Variants in ARMC8 observed in about 807,000 individuals in gnomAD.
The protein encoded by ARMC8 is armadillo repeat containing 8.
Under a neutral mutation model 99.3 loss-of-function variants are expected in ARMC8, and 20 were observed. That is an observed-to-expected ratio of 0.20 (90% CI 0.14 to 0.29). The LOEUF is 0.29. ARMC8 is among the 10% of genes least tolerant of loss of function. The probability of loss-of-function intolerance (pLI) is 1.00; values close to 1 mark genes in which losing one functional copy is unlikely to be tolerated. For missense variants in ARMC8, 569 were observed against 809.5 expected, an observed-to-expected ratio of 0.70 and a Z score of 3.60; for synonymous variants, 263 against 278.3, an observed-to-expected ratio of 0.95 and a Z score of 0.55.
intron 16 of ARMC8, among the ~76,000 whole-genome samples, chr3:138,271,798 C>CTTTTTTTTTTTTTTTTTTTTTTTTTT (rs776320900): frequency 5.9e-5 from 8 of 136,134 alleles, no homozygotes; most frequent in African/African-American, 2.0e-4. Flanking sequence ...TTTTTTCTTT[C>CTTTTTTTTTTTTTTTTTTTTTTTTTT]TTTTTTTTTT....
chr3:138,223,313 G>C, intron 3 of ARMC8, 76 bp from the exon 4 acceptor site: 3 of 1,396,946 alleles, frequency 2.1e-6, no homozygotes, highest in Non-Finnish European at 3.0e-6. Context: ...TATGTGGACT[G>C]CACAGCCTTT....
At chr3:138,289,009 C>A (rs1299927570) in intron 19 of ARMC8, 39 bp from the exon 20 acceptor site, 1 of 1,539,120 alleles carries the variant, frequency 6.5e-7, no homozygotes, top group Admixed American at 1.8e-5. Context: ...AATGAGATTA[C>A]CACCATTTTG....
chr3:138,236,096 G>A (rs570182406), intron 7 of ARMC8, among the ~76,000 whole-genome samples: 26 of 152,084 alleles, frequency 1.7e-4, no homozygotes, highest in Admixed American at 6.6e-4. Context: ...GTGAGCCACC[G>A]TGTCCGGCCT....
At chr3:138,198,620 C>T (rs2107977769) in intron 1 of ARMC8, among the ~76,000 whole-genome samples, 1 of 152,170 alleles carries the variant, frequency 6.6e-6, no homozygotes, top group Non-Finnish European at 1.5e-5. Context: ...TCAAGTGATT[C>T]TCCTGCCTCA....
At chr3:138,247,228 C>A (rs192848456) in intron 12 of ARMC8, among the ~76,000 whole-genome samples, 1 of 152,050 alleles carries the variant, frequency 6.6e-6, no homozygotes, top group East Asian at 1.9e-4. Flanking sequence ...ATATTTATTT[C>A]TTGTTTACAC....
In ARMC8 at chr3:138,192,999, G is replaced by A. The variant is rs755577440; in HGVS notation, c.45+5400G>A. 2.6e-5 allele frequency among the ~76,000 whole-genome samples: 4 copies of A among 151,396 alleles called. No homozygotes were observed. The East Asian group carries it at 5.9e-4, about 22-fold the overall frequency. On this transcript the variant is annotated intron_variant, in intron 1 of 21. Transcript: ENST00000469044. Reference sequence around the variant, plus strand: ...TTATTTTATTTTTGATATGTGTTTCGCTCTTGTTGGCAAGGCTGGAGTGCA... The same window carrying A: ...TTATTTTATTTTTGATATGTGTTTCACTCTTGTTGGCAAGGCTGGAGTGCA...
chr3:138,204,196 C>T (rs1258984208), intron 1 of ARMC8, among the ~76,000 whole-genome samples: 3 of 152,070 alleles, frequency 2.0e-5, no homozygotes, highest in Admixed American at 6.5e-5. Flanking sequence ...GTGGATCAAG[C>T]GATTCTTGTG....
chr3:138,252,452 C>CTT (rs1169244202), intron 12 of ARMC8, among the ~76,000 whole-genome samples: 1,656 of 129,142 alleles, frequency 0.013, 60 homozygotes, highest in African/African-American at 0.046. Context: ...ACCATAAACT[C>CTT]TTTTTTTTTT....
Position 138,209,813 on chromosome 3 carries a change from C to G in ARMC8, c.46-4C>G. ...ATGTCATAATTTTTCCCCCCACTTT[C>G]TAGGAAGTAACAGCTAGCAGTCGCC... On this transcript the variant is annotated splice_polypyrimidine_tract_variant and splice_region_variant and intron_variant, in intron 1 of 21. Coordinates refer to ENST00000469044, the MANE Select transcript of ARMC8 (RefSeq NM_001363941.2). 1 of 1,613,194 alleles carries G rather than the reference C, an allele frequency of 6.2e-7. No individual in the cohort carries two copies. Among genetic ancestry groups the G allele is most frequent in the Non-Finnish European group, 8.5e-7 (1 of 1,179,486 alleles).
intron 5 of ARMC8, among the ~76,000 whole-genome samples, chr3:138,226,340 G>GGA (rs1363066268): frequency 6.6e-6 from 1 of 152,116 alleles, no homozygotes; most frequent in African/African-American, 2.4e-5. Flanking sequence ...CATTCTTCAG[G>GGA]GAGTCATGCC....
Position 138,223,516 on chromosome 3 carries a change from C to G in ARMC8, c.322C>G (p.Pro108Ala), listed in dbSNP as rs141108325. ...GTCTCTACTGGACTGCCATATTATC[C>G]CTGCCTTATTGCAAGGTATGTAGGG... ...VKSLLDCHII[P>A]ALLQGLLSPD... The change falls in exon 4 of 22, where the codon CCT becomes GCT. Residue 108 changes from proline to alanine, a missense_variant. Pro to Ala is a conservative substitution (Grantham distance 27). This residue lies in a region of ARMC8 where 342 missense variants were observed against 391.6 expected (regional missense o/e 0.87). Transcript: ENST00000469044. 5 of 1,614,082 alleles carry G rather than the reference C, an allele frequency of 3.1e-6. No individual in the cohort carries two copies. The South Asian group carries it at 5.5e-5, about 18-fold the overall frequency.
chr3:138,295,893 T>C lies in ARMC8; in HGVS notation c.*1T>C. The C allele has an allele frequency of 6.2e-7, 1 of 1,613,650 alleles. No individual in the cohort carries two copies. Among genetic ancestry groups the C allele is most frequent in the Non-Finnish European group, 8.5e-7 (1 of 1,179,752 alleles). On this transcript the variant is annotated 3_prime_UTR_variant, in exon 22 of 22. Coordinates refer to ENST00000469044, the MANE Select transcript of ARMC8 (RefSeq NM_001363941.2). ...GGCACTGCAGCAGTACCTGGCATGA[T>C]GGGAGTGCCCCTGGGCACCTGCGAG...
intron 16 of ARMC8, 55 bp from the exon 17 acceptor site, chr3:138,272,912 T>A (rs115956877): frequency 7.5e-7 from 1 of 1,324,604 alleles, no homozygotes. Context: ...TATTAAAATA[T>A]AATTTAATAA....
At chr3:138,280,532 C>A (rs1329916616) in intron 18 of ARMC8, among the ~76,000 whole-genome samples, 1 of 138,034 alleles carries the variant, frequency 7.2e-6, no homozygotes, top group Non-Finnish European at 1.6e-5. Context: ...CTCGCTCTGT[C>A]GCCCAGGCTG....
chr3:138,279,598 A>C (rs1307037442), intron 18 of ARMC8, among the ~76,000 whole-genome samples: 1 of 152,142 alleles, frequency 6.6e-6, no homozygotes, highest in Non-Finnish European at 1.5e-5. Flanking sequence ...TTCTGCAAAA[A>C]TTTGTGAAGA....
At chr3:138,250,945 G>A (rs935708127) in intron 12 of ARMC8, among the ~76,000 whole-genome samples, 2 of 151,918 alleles carry the variant, frequency 1.3e-5, no homozygotes, top group Non-Finnish European at 2.9e-5. Flanking sequence ...TCAGGAGTTC[G>A]ATACCAGCTT....
chr3:138,235,237 G>T, intron 7 of ARMC8, 123 bp downstream of exon 7: 9 of 580,048 alleles, frequency 1.6e-5, no homozygotes, highest in African/African-American at 2.0e-5. Flanking sequence ...TCAGTAAAAT[G>T]TTATAGGGCA....
At chr3:138,226,187 G>C (rs913221325) in intron 5 of ARMC8, among the ~76,000 whole-genome samples, 2 of 152,082 alleles carry the variant, frequency 1.3e-5, no homozygotes, top group Admixed American at 1.3e-4. Context: ...GTAGAGACAA[G>C]GTTTCACCAT....
At chr3:138,263,979 G>A in intron 13 of ARMC8, 152 bp from the exon 14 acceptor site, 1 of 941,104 alleles carries the variant, frequency 1.1e-6, no homozygotes, top group Non-Finnish European at 1.7e-6. Flanking sequence ...AGAGAGCCTG[G>A]CCTCCAAACC....
Sources: gnomAD v4.1 joint callset for allele counts (sites outside exome capture counted in the v4.1 genomes callset) on GRCh38, gnomAD v4.1.1 for gene constraint, gnomAD v4.1.1 regional missense constraint, MANE v1.5 for transcripts, NCBI Gene and HGNC (gene_info 2026-07-23, HGNC 2026-07-21) for gene names.